Variants in KCNH1 observed in about 807,000 individuals in gnomAD.
The protein encoded by KCNH1 is voltage-gated delayed rectifier potassium channel KCNH1.
In KCNH1, 27 loss-of-function variants were observed where a neutral mutation model predicts 69.2. The ratio of observed to expected loss-of-function variants is 0.39; its 90% CI spans 0.29 to 0.54. The LOEUF (loss-of-function observed/expected upper bound fraction) is 0.54. Ranked by LOEUF, KCNH1 falls within the 20% of genes least tolerant of loss-of-function variation. The pLI is 0.68. For missense variants in KCNH1, 798 were observed against 1,261.6 expected (o/e 0.63, Z 5.57); for synonymous variants, 456 against 487.7 (o/e 0.93, Z 0.86).
At chr1:211,052,895 C>T (rs867557998) in intron 5 of KCNH1, among the ~76,000 whole-genome samples, 58 of 152,232 alleles carry the variant, frequency 3.8e-4, no homozygotes, top group Admixed American at 6.5e-4. Context: ...GTGACTGGCT[C>T]ATGGCCATCT....
At chr1:211,105,898 C>T (rs190033451) in intron 2 of KCNH1, among the ~76,000 whole-genome samples, 7 of 152,272 alleles carry the variant, frequency 4.6e-5, no homozygotes, top group Admixed American at 2.6e-4. Flanking sequence ...AGGGAAGAAT[C>T]TTCAATTTTC....
At chr1:210,741,686 G>T (rs1211313536) in intron 10 of KCNH1, among the ~76,000 whole-genome samples, 2 of 152,186 alleles carry the variant, frequency 1.3e-5, no homozygotes, top group Non-Finnish European at 2.9e-5. Flanking sequence ...CACAGAATGT[G>T]CCTCCCAAAC....
At chr1:210,991,413 C>T (rs1274327029) in intron 6 of KCNH1, among the ~76,000 whole-genome samples, 2 of 151,984 alleles carry the variant, frequency 1.3e-5, no homozygotes, top group Non-Finnish European at 2.9e-5. Flanking sequence ...AAGTCAAACC[C>T]GTAGAAGTAT....
At chr1:210,898,687 G>C (rs549290459) in intron 7 of KCNH1, among the ~76,000 whole-genome samples, 2 of 151,784 alleles carry the variant, frequency 1.3e-5, no homozygotes, top group Non-Finnish European at 2.9e-5. Flanking sequence ...GCGGCGGGGG[G>C]GGGTCCTGTC....
intron 9 of KCNH1, among the ~76,000 whole-genome samples, chr1:210,787,827 A>T (rs1684132278): frequency 6.6e-6 from 1 of 152,230 alleles, no homozygotes; most frequent in Non-Finnish European, 1.5e-5. Context: ...CTGTGACATA[A>T]ATCTGTCCCT....
At chr1:211,130,270 G>A (rs1366644722) in intron 1 of KCNH1, among the ~76,000 whole-genome samples, 1 of 152,124 alleles carries the variant, frequency 6.6e-6, no homozygotes, top group East Asian at 1.9e-4. Context: ...CCTACTTACG[G>A]CAATTTAAAG....
chr1:210,752,913 G>T (rs1683311276), intron 10 of KCNH1, among the ~76,000 whole-genome samples: 1 of 152,136 alleles, frequency 6.6e-6, no homozygotes, highest in Admixed American at 6.5e-5. Context: ...GTTCGTATAA[G>T]AGAAAGGTGT....
intron 10 of KCNH1, among the ~76,000 whole-genome samples, chr1:210,752,106 C>G (rs564357257): frequency 6.6e-6 from 1 of 152,124 alleles, no homozygotes; most frequent in African/African-American, 2.4e-5. Flanking sequence ...AGGTATCAGG[C>G]AAAAGAATGA....
chr1:210,735,415 T>C (rs1313493172), intron 10 of KCNH1, among the ~76,000 whole-genome samples: 2 of 83,036 alleles, frequency 2.4e-5, no homozygotes, highest in Non-Finnish European at 5.1e-5. Flanking sequence ...AGTGAATGAG[T>C]GAGTGAGTGT....
intron 7 of KCNH1, among the ~76,000 whole-genome samples, chr1:210,806,836 A>AAATATATATATATATATATATATAT (rs1553346591): frequency 4.7e-5 from 4 of 85,582 alleles, no homozygotes; most frequent in African/African-American, 5.1e-5. Context: ...AAAAAAAAAA[A>AAATATATATATATATATATATATAT]ATATATATAT....
intron 7 of KCNH1, among the ~76,000 whole-genome samples, chr1:210,868,306 T>G (rs1686158993): frequency 6.6e-6 from 1 of 152,010 alleles, no homozygotes; most frequent in South Asian, 2.1e-4. Flanking sequence ...TTAATTGAGT[T>G]GTATAAGTTT....
intron 7 of KCNH1, among the ~76,000 whole-genome samples, chr1:210,896,092 G>A (rs1420428672): frequency 6.6e-6 from 1 of 152,088 alleles, no homozygotes; most frequent in Admixed American, 6.6e-5. Flanking sequence ...CAGTTTTTAT[G>A]CAAACAATTT....
chr1:210,868,421 T>C (rs975473182), intron 7 of KCNH1, among the ~76,000 whole-genome samples: 1 of 5,054 alleles, frequency 2.0e-4, no homozygotes, highest in Non-Finnish European at 3.7e-4. Context: ...TAAAGTCTAA[T>C]GTATAATTTT....
chr1:210,685,157 G>A (rs1331593311), intron 10 of KCNH1, among the ~76,000 whole-genome samples: 3 of 152,250 alleles, frequency 2.0e-5, no homozygotes, highest in African/African-American at 7.2e-5. Flanking sequence ...GTCAGCATCT[G>A]ACTATGGGAA....
intron 10 of KCNH1, among the ~76,000 whole-genome samples, chr1:210,768,005 C>G (rs1683673317): frequency 6.6e-6 from 1 of 152,194 alleles, no homozygotes; most frequent in Non-Finnish European, 1.5e-5. Flanking sequence ...CTTCACCAAA[C>G]CTCACTGATG....
chr1:210,921,071 T>C (rs923065003), intron 6 of KCNH1, among the ~76,000 whole-genome samples: 4 of 152,216 alleles, frequency 2.6e-5, no homozygotes, highest in Non-Finnish European at 4.4e-5. Flanking sequence ...ATTTGGATAA[T>C]TCAGTTACCC....
At chr1:210,870,832 A>G (rs1397013199) in intron 7 of KCNH1, among the ~76,000 whole-genome samples, 1 of 152,140 alleles carries the variant, frequency 6.6e-6, no homozygotes, top group African/African-American at 2.4e-5. Flanking sequence ...ATTCATAGAA[A>G]TGAGATCATT....
chr1:210,991,040 GAA>G (rs1471205244), intron 6 of KCNH1, among the ~76,000 whole-genome samples: 1 of 152,030 alleles, frequency 6.6e-6, no homozygotes, highest in Non-Finnish European at 1.5e-5. Context: ...ATGAATTGCA[GAA>G]AGAGTCCTCA....
At chr1:210,744,162 G>A (rs1683096262) in intron 10 of KCNH1, among the ~76,000 whole-genome samples, 2 of 152,192 alleles carry the variant, frequency 1.3e-5, no homozygotes, top group African/African-American at 4.8e-5. Flanking sequence ...CGGAATGCAG[G>A]CTCAGAGTAT....
Sources: allele counts gnomAD v4.1 joint callset (sites outside exome capture counted in the v4.1 genomes callset), GRCh38; gene constraint gnomAD v4.1.1; transcripts MANE v1.5; gene names NCBI Gene and HGNC (gene_info 2026-07-23, HGNC 2026-07-21).